PIK3CD: variants seen among roughly 807,000 people sequenced by gnomAD.
PIK3CD encodes phosphatidylinositol 4,5-bisphosphate 3-kinase catalytic subunit delta isoform.
In PIK3CD, 20 loss-of-function variants were observed where a neutral mutation model predicts 122.9. The ratio of observed to expected loss-of-function variants is 0.16; its 90% CI spans 0.11 to 0.24. The LOEUF is 0.24. Ranked by LOEUF, PIK3CD falls within the 10% of genes least tolerant of loss-of-function variation. PIK3CD has a pLI of 1.00. For synonymous variants in PIK3CD, 596 were observed against 593.4 expected (o/e 1.00, Z -0.06); for missense variants, 787 against 1,406.3 (o/e 0.56, Z 7.04).
rs202145945 is a variant in PIK3CD at position 9,715,822 on chromosome 1, G to T, written c.371-27G>T. The T allele has an allele frequency of 1.3e-6, 2 of 1,545,492 alleles. No homozygotes were observed. The highest frequency in any genetic ancestry group is 1.8e-6 in the Non-Finnish European group (2 of 1,118,970). ...CGGGCTGGCCCTGCCTGCCCCACCC[G>T]CTGACCCAGCCCTCCCCACCCCGCA... On this transcript the variant is annotated intron_variant, in intron 4 of 23. Coordinates refer to ENST00000377346, the MANE Select transcript of PIK3CD (RefSeq NM_005026.5). The surrounding 1 kb of genome is among the most constrained non-coding windows in gnomAD (Gnocchi z 4.1).
rs187427230 is a variant in PIK3CD, at chr1:9,692,598, T to C, written c.-33+1027T>C. Among the ~76,000 whole-genome samples, 363 of 151,920 alleles carry C rather than the reference T, an allele frequency of 2.4e-3. 1 individual carries two copies. Among genetic ancestry groups the C allele is most frequent in the Middle Eastern group, 3.4e-3 (1 of 292 alleles). ...ACAAAAAATTAGCTGGGCGTAGTGG[T>C]GGGCACCTGTAATCCCAGCTACTCG... is the stretch of plus-strand genomic sequence containing the variant. On this transcript the variant is annotated intron_variant, in intron 2 of 23. Transcript: ENST00000377346.
chr1:9,716,412 A>G (rs1323614224), intron 5 of PIK3CD, 28 bp from the exon 6 acceptor site: 2 of 1,608,990 alleles, frequency 1.2e-6, no homozygotes, highest in East Asian at 2.2e-5. Flanking sequence ...CCTCGAGGGC[A>G]GAGGACTGAC....
intron 1 of PIK3CD, among the ~76,000 whole-genome samples, chr1:9,671,049 C>T (rs985475993): frequency 1.2e-4 from 18 of 151,624 alleles, no homozygotes; most frequent in Non-Finnish European, 2.5e-4. Flanking sequence ...TGAGCCACCG[C>T]GTCTGGCCTA....
chr1:9,710,286 C>T lies in PIK3CD; in HGVS notation c.-32-138C>T. 3 of 744,124 alleles carry T rather than the reference C, an allele frequency of 4.0e-6. No homozygotes were observed. The highest frequency in any genetic ancestry group is 7.1e-6 in the Non-Finnish European group (3 of 423,668). 46.1% of individuals were successfully genotyped at this position (744,124 alleles called of 1,614,324 possible). On this transcript the variant is annotated intron_variant, in intron 2 of 23. Coordinates refer to ENST00000377346, the MANE Select transcript of PIK3CD (RefSeq NM_005026.5). The surrounding 1 kb of genome is among the most constrained non-coding windows in gnomAD (Gnocchi z 4.7). ...AGGACGAGGCCCTGAGGGAGGTGAGCTTTTTGTACCCGCAGGTCGGGAACT... is the reference window on the plus strand; with the variant it reads ...AGGACGAGGCCCTGAGGGAGGTGAGTTTTTTGTACCCGCAGGTCGGGAACT...
At chr1:9,684,091 C>T (rs1185520989) in intron 1 of PIK3CD, among the ~76,000 whole-genome samples, 1 of 152,126 alleles carries the variant, frequency 6.6e-6, no homozygotes, top group African/African-American at 2.4e-5. Context: ...CATGGCCTCA[C>T]CTCTCAAGTC....
chr1:9,720,180 G>A lies in PIK3CD; in HGVS notation c.1408G>A (p.Ala470Thr). Residue 470 changes from alanine to threonine, a missense_variant, in exon 11 of 24, where the codon GCC becomes ACC. Physicochemically the swap from Ala to Thr is moderately conservative, Grantham distance 58. This residue lies in a region of PIK3CD where 592 missense variants were observed against 920.6 expected (regional missense o/e 0.64). Transcript: ENST00000377346. This position sits in a 1 kb window ranked among gnomAD's most constrained non-coding sequence, Gnocchi z 9.0. ...RSNPNTDSAAALLICLPEVAP... is the reference protein window; with the variant it reads ...RSNPNTDSAATLLICLPEVAP... The stretch of plus-strand genomic sequence containing the variant: ...TAACCCCAACACGGATAGCGCCGCT[G>A]CCCTGCTCATCTGCCTGCCCGAGGT... 1 of 1,612,486 alleles carries A rather than the reference G, an allele frequency of 6.2e-7. No individual in the cohort carries two copies. The highest frequency in any genetic ancestry group is 8.5e-7 in the Non-Finnish European group (1 of 1,179,522).
intron 1 of PIK3CD, chr1:9,654,733 C>A: frequency 3.0e-6 from 1 of 334,544 alleles, no homozygotes. Flanking sequence ...GTTTGGGGCC[C>A]CAGCAAATGT....
At chr1:9,660,355 C>A (rs987975755) in intron 1 of PIK3CD, among the ~76,000 whole-genome samples, 1 of 152,156 alleles carries the variant, frequency 6.6e-6, no homozygotes, top group Admixed American at 6.5e-5. Flanking sequence ...AGGTATATAC[C>A]CAAATTGCTG....
At chr1:9,646,261 C>T in the PIK3CD span, among the ~76,000 whole-genome samples, 84 of 152,116 alleles carry the variant, frequency 5.5e-4, 1 homozygote, top group Admixed American at 5.2e-3. Context: ...GGCGGTTGTA[C>T]GTATCAGGGA....
At chr1:9,656,942 CA>C (rs56008596) in intron 1 of PIK3CD, among the ~76,000 whole-genome samples, 45,042 of 113,726 alleles carry the variant, frequency 0.4, 7,933 homozygotes, top group Non-Finnish European at 0.51. Context: ...GACTCCATCT[CA>C]AAAAAAAAAA....
At chr1:9,646,543 C>T in the PIK3CD span, among the ~76,000 whole-genome samples, 1 of 152,158 alleles carries the variant, frequency 6.6e-6, no homozygotes, top group Non-Finnish European at 1.5e-5. Flanking sequence ...GGAAGGTAAA[C>T]ATATGGGAGA....
In PIK3CD at chr1:9,721,153, G is replaced by C; in HGVS notation, c.1716G>C (p.Pro572=). ...AQMLYLLCSW[P]ELPVLSALEL... is the part of the protein sequence containing the mutation. ...TGCTCTACCTGCTGTGCTCCTGGCC[G>C]GAGCTGCCCGTCCTGAGCGCCCTGG... The change falls in exon 14 of 24, where the codon CCG becomes CCC. Residue 572 remains proline (P), a synonymous_variant. Transcript: ENST00000377346. The C allele has an allele frequency of 6.2e-7, 1 of 1,612,648 alleles. No homozygotes were observed. The highest frequency in any genetic ancestry group is 8.5e-7 in the Non-Finnish European group (1 of 1,179,954).
At chr1:9,706,050 ATTTTT>A (rs140912843) in intron 2 of PIK3CD, among the ~76,000 whole-genome samples, 46 of 85,186 alleles carry the variant, frequency 5.4e-4, no homozygotes, top group African/African-American at 2.0e-3. Context: ...ATTTATTGGA[ATTTTT>A]TTTTTTTTTT....
chr1:9,690,221 G>A (rs924741624), intron 1 of PIK3CD, among the ~76,000 whole-genome samples: 2 of 152,180 alleles, frequency 1.3e-5, no homozygotes, highest in Non-Finnish European at 2.9e-5. Context: ...CCCAGATCCT[G>A]AGGTCCTGCG....
chr1:9,635,820 T>C, the PIK3CD span, among the ~76,000 whole-genome samples: 1 of 152,220 alleles, frequency 6.6e-6, no homozygotes, highest in African/African-American at 2.4e-5. Flanking sequence ...AAAGGAGTCC[T>C]TCTGATGGGT....
chr1:9,631,155 G>A, the PIK3CD span, among the ~76,000 whole-genome samples: 9 of 152,152 alleles, frequency 5.9e-5, no homozygotes, highest in African/African-American at 1.7e-4. Context: ...CCATCTGCCC[G>A]TCTGCATCAC....
At position 9,653,938 on chromosome 1, in the gene PIK3CD, G is replaced by A. The variant is rs554042209; in HGVS notation, c.-138+2136G>A. The A allele has an allele frequency of 3.7e-6, 5 of 1,363,894 alleles. No homozygotes were observed. In the African/African-American group the frequency reaches 7.4e-5, roughly 20 times the overall value. 84.5% of individuals were successfully genotyped at this position (1,363,894 alleles called of 1,614,324 possible). On this transcript the variant is annotated intron_variant, in intron 1 of 23. Transcript: ENST00000377346. ...AACCCAGTTGTGGCTGAGAGCGGTA[G>A]CTCATACCTGTCATCCCAGTGCTTT...
At chr1:9,692,733 AAAAT>A (rs1183697045) in intron 2 of PIK3CD, among the ~76,000 whole-genome samples, 2 of 152,208 alleles carry the variant, frequency 1.3e-5, no homozygotes, top group South Asian at 2.1e-4. Flanking sequence ...CCGTCTCAAA[AAAAT>A]AAATAAATAA....
Position 9,710,530 on chromosome 1 carries a change from G to A in PIK3CD, c.75G>A (p.Leu25=). ...ATCAGAGCGTTGTGGTTGACTTCCT[G>A]CTGCCCACAGGGGTCTACCTGAACT... ...EENQSVVVDF[L]LPTGVYLNFP... Residue 25 remains leucine, a synonymous_variant, in exon 3 of 24, where the codon CTG becomes CTA. Coordinates refer to ENST00000377346, the MANE Select transcript of PIK3CD (RefSeq NM_005026.5). This position sits in a 1 kb window ranked among gnomAD's most constrained non-coding sequence, Gnocchi z 4.7. 6.2e-7 allele frequency: 1 copy of A among 1,614,088 alleles called. No homozygotes were observed. The highest frequency in any genetic ancestry group is 1.1e-5 in the South Asian group (1 of 91,088).
Sources: gnomAD v4.1 joint callset for allele counts (sites outside exome capture counted in the v4.1 genomes callset) on GRCh38, gnomAD v4.1.1 for gene constraint, gnomAD v4.1.1 regional missense constraint, Gnocchi (gnomAD v3.1) non-coding constraint, MANE v1.5 for transcripts, NCBI Gene and HGNC (gene_info 2026-07-23, HGNC 2026-07-21) for gene names.